SKIDA1: variants seen among roughly 807,000 people sequenced by gnomAD.
SKIDA1 encodes the protein SKI/DACH domain-containing protein 1.
In SKIDA1, 18 loss-of-function variants were observed where a neutral mutation model predicts 51.4. The ratio of observed to expected loss-of-function variants is 0.35; its 90% CI spans 0.24 to 0.52. The LOEUF (loss-of-function observed/expected upper bound fraction) is 0.52, where lower values mean the gene tolerates loss of function less well. Among genes scored for constraint, SKIDA1 ranks in the 20% least tolerant of loss-of-function variants. The pLI is 0.95. For synonymous variants in SKIDA1, 579 were observed against 500.5 expected (o/e 1.16, Z -2.09); for missense variants, 1,104 against 1,180.6 (o/e 0.94, Z 0.95).
rs879195975 is a variant in SKIDA1 at position 21,514,919 on chromosome 10, G to GAA, written c.*175_*176dup. 0.013 allele frequency: 1,122 copies of GAA among 88,302 alleles called. No individual in the cohort carries two copies. Among genetic ancestry groups the GAA allele is most frequent in the Non-Finnish European group, 0.015 (1,008 of 65,116 alleles). The allele number at this position is 88,302 out of a possible 1,614,324, so 5.5% of individuals were successfully genotyped here. On this transcript the variant is annotated 3_prime_UTR_variant, in exon 4 of 4. Transcript: ENST00000449193. Reference sequence around the variant, plus strand: ...CCCACCCCGCCCCCACCCTACTCCAGAAAAAAAAAAAAAAACCCGCAACGG... The same window carrying GAA: ...CCCACCCCGCCCCCACCCTACTCCAGAAAAAAAAAAAAAAAAACCCGCAACGG...
chr10:21,515,792 C>G lies in SKIDA1; in HGVS notation c.2031G>C (p.Lys677Asn). The G allele has an allele frequency of 6.2e-7, 1 of 1,613,998 alleles. No individual in the cohort carries two copies. Among genetic ancestry groups the G allele is most frequent in the Non-Finnish European group, 8.5e-7 (1 of 1,179,898 alleles). The change falls in exon 4 of 4, where the codon AAG (lysine) becomes AAC (asparagine). Residue 677 changes from lysine to asparagine, a missense_variant. Physicochemically the swap from Lys to Asn is moderately conservative, Grantham distance 94 (BLOSUM62 0). This residue lies in a region of SKIDA1 where 938 missense variants were observed against 886.4 expected (regional missense o/e 1.06). Transcript: ENST00000449193. ...TAATATTGTGCAGAAATGGCAATGTCTTGTCGCCTGTGTCAGTGCAGGGAT... is the reference window on the plus strand; with the variant it reads ...TAATATTGTGCAGAAATGGCAATGTGTTGTCGCCTGTGTCAGTGCAGGGAT... Reference protein sequence around the residue: ...AENPCTDTGDKTLPFLHNIKI... With the variant: ...AENPCTDTGDNTLPFLHNIKI...
rs1272639653 is a variant in SKIDA1 at position 21,517,006 on chromosome 10, G to T, written c.817C>A (p.Arg273Ser). ...GPGSLSYRCK[R>S]KRGGAKDCLL... is the part of the protein sequence containing the mutation. ...CAGTCCTTGGCGCCGCCGCGCTTGC[G>T]CTTGCAGCGGTAGCTCAGGCTCCCC... is the stretch of plus-strand genomic sequence containing the variant. Residue 273 changes from arginine (R) to serine (S), a missense_variant, in exon 4 of 4, where the codon CGC becomes AGC. By Grantham distance (110) the Arg-to-Ser change is moderately radical (BLOSUM62 -1). Around this residue, in one of 3 missense-constraint regions of SKIDA1, gnomAD observed 938 missense variants for 886.4 expected, o/e 1.06. Transcript: ENST00000449193. The surrounding 1 kb of genome is among the most constrained non-coding windows in gnomAD (Gnocchi z 6.9). 2 of 1,121,448 alleles carry T rather than the reference G, an allele frequency of 1.8e-6. No homozygotes were observed. Among genetic ancestry groups the T allele is most frequent in the Non-Finnish European group, 2.2e-6 (2 of 919,040 alleles). The allele number at this position is 1,121,448 out of a possible 1,614,324, so 69.5% of individuals were successfully genotyped here. A position where few individuals can be genotyped will look rare whatever the true frequency, so the allele number is the denominator to read the frequency against.
Position 21,515,783 on chromosome 10 carries a change from TGG to T in SKIDA1, c.2038_2039del (p.Pro680IlefsTer6). 6.2e-7 allele frequency: 1 copy of T among 1,614,044 alleles called. No individual in the cohort carries two copies. Among genetic ancestry groups the T allele is most frequent in the Non-Finnish European group, 8.5e-7 (1 of 1,179,904 alleles). On this transcript the variant is annotated frameshift_variant, in exon 4 of 4. Coordinates refer to ENST00000449193, the MANE Select transcript of SKIDA1 (RefSeq NM_207371.4). LOFTEE classifies it high-confidence loss of function. ...PCTDTGDKTL[P>X]FLHNIKIKVE... ...CTTTGATTTTAATATTGTGCAGAAA[TGG>T]CAATGTCTTGTCGCCTGTGTCAGTG...
chr10:21,517,097 G>A lies in SKIDA1; in HGVS notation c.726C>T (p.Ala242=), dbSNP rs1346935702. 8.9e-6 allele frequency: 9 copies of A among 1,011,446 alleles called. No homozygotes were observed. The highest frequency in any genetic ancestry group is 1.1e-5 in the Non-Finnish European group (9 of 845,922). 62.7% of individuals were successfully genotyped at this position (1,011,446 alleles called of 1,614,324 possible). A position where few individuals can be genotyped will look rare whatever the true frequency, so the allele number is the denominator to read the frequency against. The part of the protein sequence containing the change: ...AAAAAAAAAA[A]AAYYQVSAAG... The stretch of plus-strand genomic sequence containing the variant: ...CCGCCGATACCTGGTAATAGGCGGC[G>A]GCGGCGGCGGCGGCGGCGGCGGCAG... The change falls in exon 4 of 4, where the codon GCC becomes GCT. Residue 242 remains alanine (A), a synonymous_variant. Transcript: ENST00000449193. The surrounding 1 kb of genome is among the most constrained non-coding windows in gnomAD (Gnocchi z 6.9).
chr10:21,515,489 T>C lies in SKIDA1; in HGVS notation c.2334A>G (p.Arg778=). The C allele has an allele frequency of 1.9e-6, 3 of 1,614,060 alleles. No homozygotes were observed. Among genetic ancestry groups the C allele is most frequent in the Non-Finnish European group, 2.5e-6 (3 of 1,179,908 alleles). ...CCAGTACTAGTGTCCGGTAATTTTT[T>C]CTCACCCTGGCACCAAATTTATATT... is the stretch of plus-strand genomic sequence containing the variant. ...DGEYKFGARV[R]KNYRTLVLGK... The change falls in exon 4 of 4, where the codon AGA becomes AGG. Residue 778 remains arginine (R), a synonymous_variant. Coordinates refer to ENST00000449193, the MANE Select transcript of SKIDA1 (RefSeq NM_207371.4).
At chr10:21,520,936 T>C (rs1363601935) in intron 3 of SKIDA1, among the ~76,000 whole-genome samples, 1 of 152,186 alleles carries the variant, frequency 6.6e-6, no homozygotes, top group African/African-American at 2.4e-5. Flanking sequence ...CACTTATACA[T>C]TTTTAATACT....
intron 2 of SKIDA1, among the ~76,000 whole-genome samples, chr10:21,522,195 G>C (rs944055018): frequency 7.5e-6 from 1 of 133,556 alleles, no homozygotes; most frequent in Admixed American, 8.9e-5. Context: ...AAGTATTGAA[G>C]AGCATTAAAA....
At position 21,516,969 on chromosome 10, in the gene SKIDA1, G is replaced by T; in HGVS notation, c.854C>A (p.Pro285His). ...CAGCAGGCGCCGCGCGCCGGCGTGA[G>T]GCGCGAGCAGGCAGTCCTTGGCGCC... ...RGGAKDCLLA[P>H]HAGARRLLLL... Residue 285 changes from proline (P) to histidine (H), a missense_variant, in exon 4 of 4, where the codon CCT (proline) becomes CAT (histidine). Pro to His is a moderately conservative substitution (Grantham distance 77). Coordinates refer to ENST00000449193, the MANE Select transcript of SKIDA1 (RefSeq NM_207371.4). The surrounding 1 kb of genome is among the most constrained non-coding windows in gnomAD (Gnocchi z 5.7). 8.4e-7 allele frequency: 1 copy of T among 1,186,392 alleles called. No homozygotes were observed. The allele number at this position is 1,186,392 out of a possible 1,614,324, so 73.5% of individuals were successfully genotyped here.
rs2032227913 is a variant in SKIDA1, at chr10:21,516,812, G to A, written c.1011C>T (p.His337=). 5 of 1,542,106 alleles carry A rather than the reference G, an allele frequency of 3.2e-6. No individual in the cohort carries two copies. The highest frequency in any genetic ancestry group is 3.9e-5 in the Admixed American group (2 of 50,842). The change falls in exon 4 of 4, where the codon CAC becomes CAT. Residue 337 remains histidine, a synonymous_variant. Coordinates refer to ENST00000449193, the MANE Select transcript of SKIDA1 (RefSeq NM_207371.4). The surrounding 1 kb of genome is among the most constrained non-coding windows in gnomAD (Gnocchi z 5.7). ...GGTGATGGTGGTGGTGGTGGTGGTG[G>A]TGCGGAGGCGGGCAGAAGCCGTTGA... ...HLVNGFCPPP[H]HHHHHHHHHH...
At position 21,516,923 on chromosome 10, in the gene SKIDA1, T is replaced by C. The variant is rs556217118; in HGVS notation, c.900A>G (p.Lys300=). ...CCGCCGCCGCCGCCGCCGCCTTGGCTTTGTAGGACCTGGGCAACAGCAGCA... is the reference window on the plus strand; with the variant it reads ...CCGCCGCCGCCGCCGCCGCCTTGGCCTTGTAGGACCTGGGCAACAGCAGCA... The part of the protein sequence containing the change: ...RRLLLLPRSY[K]AKAAAAAAAA... Residue 300 remains lysine (K), a synonymous_variant, in exon 4 of 4, where the codon AAA becomes AAG. Transcript: ENST00000449193. This position sits in a 1 kb window ranked among gnomAD's most constrained non-coding sequence, Gnocchi z 5.7. The C allele has an allele frequency of 3.8e-3, 4,199 of 1,104,768 alleles. 10 individuals are homozygous for C. Among genetic ancestry groups the C allele is most frequent in the Non-Finnish European group, 4.4e-3 (3,996 of 915,284 alleles). The allele number at this position is 1,104,768 out of a possible 1,614,324, so 68.4% of individuals were successfully genotyped here.
intron 3 of SKIDA1, among the ~76,000 whole-genome samples, chr10:21,520,177 G>A (rs1189712445): frequency 6.6e-6 from 1 of 152,150 alleles, no homozygotes; most frequent in Non-Finnish European, 1.5e-5. Flanking sequence ...TGATATTTCA[G>A]GCTTTAAACG....
intron 3 of SKIDA1, among the ~76,000 whole-genome samples, chr10:21,521,143 G>A (rs1462582401): frequency 3.3e-5 from 5 of 151,506 alleles, no homozygotes; most frequent in Admixed American, 6.6e-5. Context: ...TTGCATATCC[G>A]GGGTCTTCTC....
At chr10:21,519,858 C>T (rs1319629238) in intron 3 of SKIDA1, among the ~76,000 whole-genome samples, 200 bp from the exon 4 acceptor site, 1 of 144,646 alleles carries the variant, frequency 6.9e-6, no homozygotes, top group African/African-American at 2.6e-5. Context: ...ACCCTCATCT[C>T]CTTTGTAATT....
At position 21,516,899 on chromosome 10, in the gene SKIDA1, C is replaced by CAGCAG; in HGVS notation, c.923_924insCTGCT (p.Ala309CysfsTer239). 1 of 1,123,844 alleles carries CAGCAG rather than the reference C, an allele frequency of 8.9e-7. No individual in the cohort carries two copies. Among genetic ancestry groups the CAGCAG allele is most frequent in the Non-Finnish European group, 1.1e-6 (1 of 922,356 alleles). 69.6% of individuals were successfully genotyped at this position (1,123,844 alleles called of 1,614,324 possible). Reference sequence around the variant, plus strand: ...CGGCCGCCGCCGCCGCTGCCGCCGCCGCCGCCGCCGCCGCCGCCTTGGCTT... The same window carrying CAGCAG: ...CGGCCGCCGCCGCCGCTGCCGCCGCCAGCAGGCCGCCGCCGCCGCCGCCTTGGCTT... On this transcript the variant is annotated frameshift_variant, in exon 4 of 4. Coordinates refer to ENST00000449193, the MANE Select transcript of SKIDA1 (RefSeq NM_207371.4). LOFTEE classifies it high-confidence loss of function. This position sits in a 1 kb window ranked among gnomAD's most constrained non-coding sequence, Gnocchi z 5.7.
chr10:21,516,733 G>T lies in SKIDA1; in HGVS notation c.1090C>A (p.His364Asn). The T allele has an allele frequency of 6.5e-7, 1 of 1,550,208 alleles. No homozygotes were observed. Among genetic ancestry groups the T allele is most frequent in the Non-Finnish European group, 8.7e-7 (1 of 1,146,632 alleles). ...QPPQQSHHPP[H>N]HHRPQPHLGS... The stretch of plus-strand genomic sequence containing the variant: ...AGATGGGGCTGCGGCCGGTGGTGGT[G>T]AGGGGGGTGGTGACTCTGCTGCGGC... Residue 364 changes from histidine (H) to asparagine (N), a missense_variant, in exon 4 of 4, where the codon CAC (histidine) becomes AAC (asparagine). By Grantham distance (68) the His-to-Asn change is moderately conservative. Coordinates refer to ENST00000449193, the MANE Select transcript of SKIDA1 (RefSeq NM_207371.4). The surrounding 1 kb of genome is among the most constrained non-coding windows in gnomAD (Gnocchi z 5.7).
chr10:21,524,058 A>G (rs1223458031), intron 1 of SKIDA1, among the ~76,000 whole-genome samples, 187 bp from the exon 2 acceptor site: 1 of 152,156 alleles, frequency 6.6e-6, no homozygotes, highest in South Asian at 2.1e-4. Flanking sequence ...TTAACCAGAA[A>G]ATTCGCTTTT....
intron 2 of SKIDA1, among the ~76,000 whole-genome samples, chr10:21,522,099 T>C (rs568975597): frequency 5.3e-5 from 8 of 152,216 alleles, no homozygotes; most frequent in Non-Finnish European, 1.2e-4. Flanking sequence ...CAGGAGTAGT[T>C]TACTAATGGG....
intron 3 of SKIDA1, among the ~76,000 whole-genome samples, chr10:21,520,019 T>C (rs933691858): frequency 1.3e-5 from 2 of 152,260 alleles, no homozygotes; most frequent in African/African-American, 4.8e-5. Context: ...TAATCGCCGC[T>C]CTTCAACTTA....
At chr10:21,521,169 T>G (rs2032385386) in intron 3 of SKIDA1, among the ~76,000 whole-genome samples, 1 of 150,178 alleles carries the variant, frequency 6.7e-6, no homozygotes, top group African/African-American at 2.5e-5. Flanking sequence ...ACATTGGGGG[T>G]CGATCCCGAT....
Sources: allele counts gnomAD v4.1 joint callset (sites outside exome capture counted in the v4.1 genomes callset), GRCh38; gene constraint gnomAD v4.1.1; regional missense constraint gnomAD v4.1.1; non-coding constraint Gnocchi (gnomAD v3.1); transcripts MANE v1.5; gene names NCBI Gene and HGNC (gene_info 2026-07-23, HGNC 2026-07-21).